SND1: variants seen among roughly 807,000 people sequenced by gnomAD.
SND1 encodes staphylococcal nuclease domain-containing protein 1.
Under a neutral mutation model 121.7 loss-of-function variants are expected in SND1, and 38 were observed. The observed-to-expected ratio is 0.31, with a 90% CI of 0.24 to 0.41. The LOEUF is 0.41. Among genes scored for constraint, SND1 ranks in the 10% least tolerant of loss-of-function variants. The pLI, the probability that SND1 is intolerant of heterozygous loss-of-function variation, is 1.00. For missense variants in SND1, 868 were observed against 1,184.6 expected (o/e 0.73, Z 3.92); for synonymous variants, 401 against 447.4 (o/e 0.90, Z 1.31).
At position 127,929,265 on chromosome 7, in the gene SND1, C is replaced by T; in HGVS notation, c.1605C>T (p.Phe535=). The part of the protein sequence containing the change: ...GRSEAVVEYV[F]SGSRLKLYLP... Reference sequence around the variant, plus strand: ...CTGAAGCTGTGGTGGAATACGTCTTCAGTGGTTCTCGTCTCAAACTCTATT... The same window carrying T: ...CTGAAGCTGTGGTGGAATACGTCTTTAGTGGTTCTCGTCTCAAACTCTATT... Residue 535 remains phenylalanine (F), a synonymous_variant, in exon 15 of 24, where the codon TTC becomes TTT. Coordinates refer to ENST00000354725, the MANE Select transcript of SND1 (RefSeq NM_014390.4). 2 of 1,614,092 alleles carry T rather than the reference C, an allele frequency of 1.2e-6. No individual in the cohort carries two copies. The highest frequency in any genetic ancestry group is 1.7e-6 in the Non-Finnish European group (2 of 1,179,952).
intron 13 of SND1, among the ~76,000 whole-genome samples, chr7:127,898,404 T>C (rs1275674512): frequency 2.6e-5 from 4 of 152,126 alleles, no homozygotes; most frequent in Non-Finnish European, 4.4e-5. Flanking sequence ...ATAATCTTAG[T>C]GCCCCCACCT....
rs137973591 is a variant in SND1 at position 127,753,926 on chromosome 7, G to T, written c.1152+32526G>T. Among the ~76,000 whole-genome samples the T allele has an allele frequency of 8.5e-5, 13 of 152,298 alleles. No individual in the cohort carries two copies. The East Asian group carries it at 2.1e-3, about 25-fold the overall frequency. ...AGGAAGTAAGATTTCAACACCTAAA[G>T]AACCAAAATGGATCCCTTCCCAAAA... On this transcript the variant is annotated intron_variant, in intron 10 of 23. Coordinates refer to ENST00000354725, the MANE Select transcript of SND1 (RefSeq NM_014390.4).
At chr7:127,923,230 C>T (rs1000397231) in intron 14 of SND1, among the ~76,000 whole-genome samples, 1 of 152,142 alleles carries the variant, frequency 6.6e-6, no homozygotes, top group East Asian at 1.9e-4. Context: ...CCTCTCAGAG[C>T]GCTAGGATTA....
intron 16 of SND1, among the ~76,000 whole-genome samples, chr7:128,047,992 C>T (rs1357444424): frequency 1.1e-4 from 16 of 152,038 alleles, no homozygotes; most frequent in Non-Finnish European, 1.9e-4. Flanking sequence ...GGACTACAGG[C>T]GCCCACCATC....
intron 14 of SND1, among the ~76,000 whole-genome samples, chr7:127,911,736 A>C (rs889955509): frequency 6.6e-6 from 1 of 152,032 alleles, no homozygotes; most frequent in South Asian, 2.1e-4. Flanking sequence ...TCCTGACCTC[A>C]TGATCTGCCC....
At chr7:127,834,043 C>G (rs325450) in intron 11 of SND1, among the ~76,000 whole-genome samples, 8,360 of 152,074 alleles carry the variant, frequency 0.055, 665 homozygotes, top group African/African-American at 0.17. Context: ...CTTTTTAAAG[C>G]TGAATAACAT....
chr7:127,743,526 C>T (rs73234895), intron 10 of SND1, among the ~76,000 whole-genome samples: 4,750 of 152,318 alleles, frequency 0.031, 95 homozygotes, highest in Non-Finnish European at 0.045. Flanking sequence ...CTCTCTCCTT[C>T]TCTTCCCTCC....
At chr7:127,888,522 C>A (rs1316664836) in intron 13 of SND1, among the ~76,000 whole-genome samples, 1 of 152,138 alleles carries the variant, frequency 6.6e-6, no homozygotes, top group Non-Finnish European at 1.5e-5. Flanking sequence ...TTGAGAAGCC[C>A]TGTGACATTT....
intron 16 of SND1, among the ~76,000 whole-genome samples, chr7:128,067,223 GCCCAGCCCATAAGA>G (rs1187013770): frequency 6.6e-6 from 1 of 152,180 alleles, no homozygotes; most frequent in African/African-American, 2.4e-5. Context: ...GGTGCAGTGT[GCCCAGCCCATAAGA>G]GGCAGGATTG....
chr7:128,086,902 A>G (rs1270716974), intron 20 of SND1, 36 bp from the exon 21 acceptor site: 2 of 1,517,602 alleles, frequency 1.3e-6, no homozygotes, highest in East Asian at 2.3e-5. Flanking sequence ...GGGGGCAGCG[A>G]GTATGTGACA....
chr7:128,053,977 G>C (rs1220391519), intron 16 of SND1, among the ~76,000 whole-genome samples: 1 of 152,232 alleles, frequency 6.6e-6, no homozygotes. Flanking sequence ...AAGGTAATGG[G>C]AATGGCCGGT....
At chr7:127,734,928 G>C (rs932583861) in intron 10 of SND1, among the ~76,000 whole-genome samples, 1 of 152,188 alleles carries the variant, frequency 6.6e-6, no homozygotes, top group Non-Finnish European at 1.5e-5. Flanking sequence ...CCAGCTGCCA[G>C]ACAGACCAGA....
chr7:127,656,026 T>G (rs1795204616), intron 1 of SND1, among the ~76,000 whole-genome samples: 1 of 152,176 alleles, frequency 6.6e-6, no homozygotes, highest in Admixed American at 6.5e-5. Flanking sequence ...CCTCACCCAC[T>G]TAATTGCCTC....
At chr7:127,833,962 G>A (rs976244790) in intron 11 of SND1, among the ~76,000 whole-genome samples, 2 of 150,606 alleles carry the variant, frequency 1.3e-5, no homozygotes, top group Non-Finnish European at 2.9e-5. Flanking sequence ...ATTCTTTTTT[G>A]TAAGTAAGTT....
At chr7:128,059,043 C>T (rs1793189126) in intron 16 of SND1, among the ~76,000 whole-genome samples, 1 of 152,200 alleles carries the variant, frequency 6.6e-6, no homozygotes, top group South Asian at 2.1e-4. Flanking sequence ...CTGACCTCAG[C>T]ATGGCTTTCT....
At chr7:127,864,917 G>A (rs1799441836) in intron 12 of SND1, among the ~76,000 whole-genome samples, 1 of 152,208 alleles carries the variant, frequency 6.6e-6, no homozygotes, top group Non-Finnish European at 1.5e-5. Flanking sequence ...AGGAGAATGG[G>A]AGGACCAATT....
chr7:128,029,985 C>G lies in SND1; in HGVS notation c.1779+38929C>G, dbSNP rs372072606. ...CCCTGACATCTCCAGCTCCTCCAGC[C>G]CCACCAGGGGGGTGAGATTGGGCAT... On this transcript the variant is annotated intron_variant, in intron 16 of 23. Coordinates refer to ENST00000354725, the MANE Select transcript of SND1 (RefSeq NM_014390.4). The surrounding 1 kb of genome is among the most constrained non-coding windows in gnomAD (Gnocchi z 4.2). 1.5e-5 allele frequency: 24 copies of G among 1,613,020 alleles called. No individual in the cohort carries two copies. The highest frequency in any genetic ancestry group is 2.0e-5 in the Non-Finnish European group (24 of 1,180,034).
At chr7:127,922,192 T>TTTTTTTG (rs1563058980) in intron 14 of SND1, among the ~76,000 whole-genome samples, 7 of 109,240 alleles carry the variant, frequency 6.4e-5, no homozygotes, top group African/African-American at 1.3e-4. Context: ...TTTTTTTTTT[T>TTTTTTTG]TTTTTTTTTT....
intron 12 of SND1, among the ~76,000 whole-genome samples, chr7:127,885,949 C>T (rs950940966): frequency 4.6e-5 from 7 of 152,226 alleles, no homozygotes; most frequent in Admixed American, 3.9e-4. Flanking sequence ...TGGGTGGAGC[C>T]TCTCTTGTTC....
Sources: allele counts gnomAD v4.1 joint callset (sites outside exome capture counted in the v4.1 genomes callset), GRCh38; gene constraint gnomAD v4.1.1; non-coding constraint Gnocchi (gnomAD v3.1); transcripts MANE v1.5; gene names NCBI Gene and HGNC (gene_info 2026-07-23, HGNC 2026-07-21).